The following RAD21L1 variants were observed in gnomAD, a reference collection of about 807,000 sequenced individuals.
The protein encoded by RAD21L1 is RAD21 cohesin complex component like 1, also known as double-strand-break repair protein rad21-like protein 1.
In RAD21L1, 47 loss-of-function variants were observed where a neutral mutation model predicts 69.0. That is an observed-to-expected ratio of 0.68 (90% CI 0.54 to 0.87). The LOEUF is 0.87. Ranked by LOEUF, RAD21L1 falls within the 40% of genes least tolerant of loss-of-function variation. RAD21L1 has a pLI of 0.00. For missense variants in RAD21L1, 583 were observed against 647.6 expected (o/e 0.90, Z 1.08); for synonymous variants, 177 against 205.8 (o/e 0.86, Z 1.20).
intron 12 of RAD21L1, among the ~76,000 whole-genome samples, chr20:1,248,045 CA>C (rs71327497): frequency 0.095 from 6,843 of 71,966 alleles, 114 homozygotes; most frequent in Middle Eastern, 0.16. Flanking sequence ...CCTTAAATAC[CA>C]AAAAAAAAAA....
rs931863309 is a variant in RAD21L1 at position 1,240,336 on chromosome 20, C to A, written c.758C>A (p.Ser253Ter). The change falls in exon 8 of 14, where the codon TCA becomes TAA. Residue 253 changes from serine (S) to a stop codon, truncating the protein, a stop_gained. Coordinates refer to ENST00000683101, the MANE Select transcript of RAD21L1 (RefSeq NM_001384355.1). LOFTEE classifies it high-confidence loss of function. The stretch of plus-strand genomic sequence containing the variant: ...TGTTGATTAGTTGAACCAGATAACT[C>A]AGAGTGTATATGTGTACCTGAAAAT... ...PNSLAVEPDN[S>*]ECICVPENEK... 1 of 1,537,004 alleles carries A rather than the reference C, an allele frequency of 6.5e-7. No homozygotes were observed. The highest frequency in any genetic ancestry group is 8.8e-7 in the Non-Finnish European group (1 of 1,142,066).
At chr20:1,240,507 A>G in intron 8 of RAD21L1, 73 bp downstream of exon 8, 2 of 1,482,384 alleles carry the variant, frequency 1.3e-6, no homozygotes, top group Non-Finnish European at 1.8e-6. Flanking sequence ...TGTTTGAATA[A>G]TCACTGAAAT....
chr20:1,229,912 T>C lies in RAD21L1; in HGVS notation c.177T>C (p.Leu59=). ...TAGCACTTCGAACTTCAGGACACCT[T>C]CTTTTGGGAGTTGTTCGAATCTATA... ...VKIALRTSGH[L]LLGVVRIYNR... is the part of the protein sequence containing the mutation. The change falls in exon 3 of 14, where the codon CTT becomes CTC. Residue 59 remains leucine (L), a synonymous_variant. Transcript: ENST00000683101. The C allele has an allele frequency of 1.9e-6, 3 of 1,549,404 alleles. No individual in the cohort carries two copies. Among genetic ancestry groups the C allele is most frequent in the Non-Finnish European group, 1.7e-6 (2 of 1,145,080 alleles).
intron 10 of RAD21L1, among the ~76,000 whole-genome samples, chr20:1,243,629 A>G (rs1488540334): frequency 1.3e-5 from 2 of 152,222 alleles, no homozygotes; most frequent in Non-Finnish European, 2.9e-5. Context: ...CAAAAGGCAC[A>G]TGGAGTATTA....
chr20:1,243,273 AAG>A, intron 10 of RAD21L1, 77 bp downstream of exon 10: 2 of 668,888 alleles, frequency 3.0e-6, no homozygotes, highest in Non-Finnish European at 2.5e-6. Flanking sequence ...TTTCAAAATG[AAG>A]GTGGGATCCA....
chr20:1,232,259 G>A (rs1027995515), intron 4 of RAD21L1, among the ~76,000 whole-genome samples: 1 of 152,188 alleles, frequency 6.6e-6, no homozygotes, highest in Non-Finnish European at 1.5e-5. Context: ...GAGATAGCAG[G>A]AGACACAGAT....
intron 13 of RAD21L1, among the ~76,000 whole-genome samples, chr20:1,251,951 A>G (rs1360313261): frequency 2.6e-5 from 4 of 152,148 alleles, no homozygotes; most frequent in Non-Finnish European, 5.9e-5. Context: ...TAAAACCTTC[A>G]CCACAATCAA....
chr20:1,248,044 C>T (rs1402770758), intron 12 of RAD21L1, among the ~76,000 whole-genome samples: 1 of 49,746 alleles, frequency 2.0e-5, no homozygotes. Flanking sequence ...GCCTTAAATA[C>T]CAAAAAAAAA....
intron 1 of RAD21L1, 24 bp from the exon 2 acceptor site, chr20:1,228,398 A>G (rs2087307877): frequency 1.5e-6 from 2 of 1,296,778 alleles, no homozygotes; most frequent in Non-Finnish European, 2.0e-6. Flanking sequence ...TAAAATTTTA[A>G]ATTTCTTTTC....
In RAD21L1 at chr20:1,248,740, T is replaced by TA. The variant is rs759512110; in HGVS notation, c.1479+43dup. ...GGGTTTGTCAACCCTGTTTTTATTTTAAAAAATAAGTAAATACTGACTTCA... is the reference window on the plus strand; with the variant it reads ...GGGTTTGTCAACCCTGTTTTTATTTTAAAAAAATAAGTAAATACTGACTTCA... On this transcript the variant is annotated intron_variant, in intron 13 of 13. Transcript: ENST00000683101. 5.7e-5 allele frequency: 69 copies of TA among 1,207,690 alleles called. No individual in the cohort carries two copies. In the African/African-American group the frequency reaches 9.2e-4, roughly 16 times the overall value. The allele number at this position is 1,207,690 out of a possible 1,614,324, so 74.8% of individuals were successfully genotyped here. A position where few individuals can be genotyped will look rare whatever the true frequency, so the allele number is the denominator to read the frequency against.
intron 2 of RAD21L1, among the ~76,000 whole-genome samples, chr20:1,229,215 G>A (rs2087334304): frequency 6.6e-6 from 1 of 152,138 alleles, no homozygotes; most frequent in Admixed American, 6.5e-5. Context: ...TAGTTAGCAT[G>A]TTTTGAGTTG....
chr20:1,227,617 A>G (rs2087292623), intron 1 of RAD21L1, among the ~76,000 whole-genome samples: 1 of 152,212 alleles, frequency 6.6e-6, no homozygotes. Context: ...CTAGAAGTCA[A>G]CCAAAGTGCT....
intron 5 of RAD21L1, among the ~76,000 whole-genome samples, chr20:1,237,592 C>A (rs746957530): frequency 6.7e-6 from 1 of 150,268 alleles, no homozygotes; most frequent in Non-Finnish European, 1.5e-5. Context: ...TAAGCCCATT[C>A]TTTAATATTT....
intron 4 of RAD21L1, among the ~76,000 whole-genome samples, chr20:1,232,395 G>C (rs1192159788): frequency 6.6e-6 from 1 of 152,172 alleles, no homozygotes; most frequent in African/African-American, 2.4e-5. Context: ...CTTACTCTAA[G>C]GGGAAAGGGA....
intron 13 of RAD21L1, among the ~76,000 whole-genome samples, chr20:1,253,304 T>G (rs2087872653): frequency 6.6e-6 from 1 of 152,152 alleles, no homozygotes; most frequent in African/African-American, 2.4e-5. Flanking sequence ...TTCTTTTCTT[T>G]TTTTCTTTTT....
chr20:1,238,346 T>C, intron 6 of RAD21L1, 132 bp downstream of exon 6: 1 of 595,480 alleles, frequency 1.7e-6, no homozygotes, highest in East Asian at 3.1e-5. Flanking sequence ...CTTTTTTTTA[T>C]ACAAGTTTTC....
intron 8 of RAD21L1, among the ~76,000 whole-genome samples, chr20:1,241,458 T>C (rs1477946043): frequency 2.6e-5 from 4 of 152,236 alleles, no homozygotes; most frequent in Non-Finnish European, 2.9e-5. Flanking sequence ...GGTAGTATAA[T>C]TGATATGAAT....
Position 1,231,590 on chromosome 20 carries a change from A to G in RAD21L1, c.339A>G (p.Glu113=), listed in dbSNP as rs748916648. ...ASYNAITLPE[E]FHDFDTQNMN... is the part of the protein sequence containing the mutation. ...ACAATGCTATCACATTGCCAGAAGA[A>G]TTTCATGATTTTGACACCCAAAATA... Residue 113 remains glutamate (E), a synonymous_variant, in exon 4 of 14, where the codon GAA becomes GAG. Coordinates refer to ENST00000683101, the MANE Select transcript of RAD21L1 (RefSeq NM_001384355.1). The G allele has an allele frequency of 2.0e-6, 3 of 1,529,106 alleles. No individual in the cohort carries two copies. Among genetic ancestry groups the G allele is most frequent in the Non-Finnish European group, 2.7e-6 (3 of 1,129,800 alleles). The allele number at this position is 1,529,106 out of a possible 1,614,324, so 94.7% of individuals were successfully genotyped here.
chr20:1,231,196 G>A (rs557104495), intron 3 of RAD21L1, among the ~76,000 whole-genome samples: 14 of 152,230 alleles, frequency 9.2e-5, no homozygotes, highest in South Asian at 2.1e-4. Context: ...CTTTTTCAGG[G>A]AACAAAAAGG....
Sources: allele counts gnomAD v4.1 joint callset (sites outside exome capture counted in the v4.1 genomes callset), GRCh38; gene constraint gnomAD v4.1.1; transcripts MANE v1.5; gene names NCBI Gene and HGNC (gene_info 2026-07-23, HGNC 2026-07-21).